Variants in RAB2A observed in about 807,000 individuals in gnomAD.
The protein encoded by RAB2A is ras-related protein Rab-2A.
RAB2A carries 7 observed loss-of-function variants against 32.5 expected under a neutral mutation model. The observed-to-expected ratio is 0.22, with a 90% CI of 0.12 to 0.40. The LOEUF (loss-of-function observed/expected upper bound fraction) is 0.40. Among genes scored for constraint, RAB2A ranks in the 10% least tolerant of loss-of-function variants. The probability of loss-of-function intolerance (pLI) is 1.00; values close to 1 mark genes in which losing one functional copy is unlikely to be tolerated. For missense variants in RAB2A, 108 were observed against 260.7 expected (o/e 0.41, Z 4.03); for synonymous variants, 79 against 85.2 (o/e 0.93, Z 0.40).
At chr8:60,588,322 A>G (rs1803881564) in intron 5 of RAB2A, among the ~76,000 whole-genome samples, 3 of 152,062 alleles carry the variant, frequency 2.0e-5, no homozygotes. Flanking sequence ...TTTCCTAGCC[A>G]CTTTACTCCC....
intron 2 of RAB2A, among the ~76,000 whole-genome samples, chr8:60,561,309 TTTTC>T (rs1277428190): frequency 2.0e-5 from 3 of 152,242 alleles, no homozygotes; most frequent in Non-Finnish European, 4.4e-5. Flanking sequence ...ATACCGTTTT[TTTTC>T]TTTCTAACTT....
chr8:60,567,161 G>A (rs1387363030), intron 2 of RAB2A, among the ~76,000 whole-genome samples: 1 of 150,208 alleles, frequency 6.7e-6, no homozygotes, highest in African/African-American at 2.5e-5. Context: ...CAGTTGCCAG[G>A]CTGGAGTGCA....
intron 1 of RAB2A, among the ~76,000 whole-genome samples, chr8:60,546,384 C>CTTGAATGCA (rs1160838738): frequency 1.3e-5 from 2 of 152,238 alleles, no homozygotes; most frequent in East Asian, 3.9e-4. Context: ...GGATGGGAGA[C>CTTGAATGCA]TTGAATGCAT....
chr8:60,544,684 C>T (rs566453159), intron 1 of RAB2A, among the ~76,000 whole-genome samples: 3 of 151,806 alleles, frequency 2.0e-5, no homozygotes, highest in African/African-American at 7.3e-5. Context: ...GTGTGAGCCC[C>T]TGGCCTGTAT....
rs775294429 is a variant in RAB2A at position 60,591,852 on chromosome 8, G to A, written c.363-6G>A. On this transcript the variant is annotated splice_region_variant and splice_polypyrimidine_tract_variant and intron_variant, in intron 5 of 7. Coordinates refer to ENST00000262646, the MANE Select transcript of RAB2A (RefSeq NM_002865.3). ...AGTAATGTGACCCTTTCTTTCCCAT[G>A]TTTAGTGATTTAGAATCTAGAAGAG... is the stretch of plus-strand genomic sequence containing the variant. 8.3e-6 allele frequency: 13 copies of A among 1,570,614 alleles called. No individual in the cohort carries two copies. Among genetic ancestry groups the A allele is most frequent in the Non-Finnish European group, 1.1e-5 (12 of 1,141,888 alleles).
chr8:60,592,294 A>G lies in RAB2A; in HGVS notation c.474+325A>G, dbSNP rs62510252. Among the ~76,000 whole-genome samples, 658 of 152,302 alleles carry G rather than the reference A, an allele frequency of 4.3e-3. 4 individuals are homozygous for G. Among genetic ancestry groups the G allele is most frequent in the Admixed American group, 7.8e-3 (120 of 15,294 alleles). ...GTCAGTCTGGCCAATGGAGGAGAATAGTGTAGTCCTATTCTTTCAAATTAT... is the reference window on the plus strand; with the variant it reads ...GTCAGTCTGGCCAATGGAGGAGAATGGTGTAGTCCTATTCTTTCAAATTAT... On this transcript the variant is annotated intron_variant, in intron 6 of 7. Coordinates refer to ENST00000262646, the MANE Select transcript of RAB2A (RefSeq NM_002865.3).
At chr8:60,582,282 A>G (rs1214466703) in intron 3 of RAB2A, among the ~76,000 whole-genome samples, 1 of 152,150 alleles carries the variant, frequency 6.6e-6, no homozygotes, top group African/African-American at 2.4e-5. Flanking sequence ...GGCTATTTTT[A>G]TAGCCCTTTT....
intron 1 of RAB2A, among the ~76,000 whole-genome samples, chr8:60,541,979 C>T (rs2130817590): frequency 6.6e-6 from 1 of 152,250 alleles, no homozygotes; most frequent in East Asian, 1.9e-4. Flanking sequence ...CATTCACAGG[C>T]AGAAAATGTT....
chr8:60,616,327 A>G (rs1001520994), intron 6 of RAB2A, among the ~76,000 whole-genome samples: 3 of 152,226 alleles, frequency 2.0e-5, no homozygotes, highest in Non-Finnish European at 2.9e-5. Context: ...TTGTAGTATA[A>G]AAGTGCTTGT....
intron 6 of RAB2A, among the ~76,000 whole-genome samples, chr8:60,605,132 C>G (rs904240011): frequency 1.3e-5 from 2 of 152,178 alleles, no homozygotes; most frequent in Non-Finnish European, 2.9e-5. Context: ...TTAGTTCCAG[C>G]TGTAGCTCAA....
intron 6 of RAB2A, among the ~76,000 whole-genome samples, chr8:60,601,634 A>T (rs559831164): frequency 6.6e-6 from 1 of 152,158 alleles, no homozygotes; most frequent in African/African-American, 2.4e-5. Context: ...TGCCATGCCC[A>T]GCATATTATG....
At chr8:60,610,287 C>T (rs969241708) in intron 6 of RAB2A, among the ~76,000 whole-genome samples, 1 of 152,090 alleles carries the variant, frequency 6.6e-6, no homozygotes, top group Non-Finnish European at 1.5e-5. Flanking sequence ...CCAGAGAGAA[C>T]ACATGACTTA....
intron 1 of RAB2A, chr8:60,552,479 A>G (rs1293650905): frequency 6.6e-6 from 1 of 151,916 alleles, no homozygotes; most frequent in African/African-American, 2.4e-5. Context: ...AATTCTCTAT[A>G]TTTTCTTCGT....
intron 3 of RAB2A, among the ~76,000 whole-genome samples, chr8:60,583,589 C>A (rs1803797690): frequency 6.6e-6 from 1 of 152,090 alleles, no homozygotes. Context: ...AAATTCAGAA[C>A]CATTTTGCTT....
At chr8:60,521,135 C>T (rs2130803644) in intron 1 of RAB2A, among the ~76,000 whole-genome samples, 1 of 152,300 alleles carries the variant, frequency 6.6e-6, no homozygotes, top group African/African-American at 2.4e-5. Flanking sequence ...TTTAAATTAT[C>T]TTTTTAGTTA....
chr8:60,620,020 A>C (rs908889361), intron 7 of RAB2A, among the ~76,000 whole-genome samples: 1 of 152,276 alleles, frequency 6.6e-6, no homozygotes, highest in African/African-American at 2.4e-5. Flanking sequence ...ACTGCCAAGC[A>C]CTATAAATCT....
intron 1 of RAB2A, among the ~76,000 whole-genome samples, chr8:60,518,015 C>T (rs975631344): frequency 2.7e-5 from 4 of 150,420 alleles, no homozygotes; most frequent in South Asian, 2.1e-4. Flanking sequence ...ATGTTGAGGA[C>T]GCTGATGTTT....
chr8:60,612,955 C>T (rs925274330), intron 6 of RAB2A, among the ~76,000 whole-genome samples: 2 of 152,140 alleles, frequency 1.3e-5, no homozygotes, highest in East Asian at 1.9e-4. Context: ...GGATGATATA[C>T]GAGTTTTTCT....
chr8:60,562,201 G>A (rs914737524), intron 2 of RAB2A, among the ~76,000 whole-genome samples: 1 of 152,160 alleles, frequency 6.6e-6, no homozygotes, highest in Non-Finnish European at 1.5e-5. Flanking sequence ...ACCCACGCCT[G>A]TGGAGAAATA....
Sources: allele counts gnomAD v4.1 joint callset (sites outside exome capture counted in the v4.1 genomes callset), GRCh38; gene constraint gnomAD v4.1.1; transcripts MANE v1.5; gene names NCBI Gene and HGNC (gene_info 2026-07-23, HGNC 2026-07-21).